DSN1: variants seen among roughly 807,000 people sequenced by gnomAD.
DSN1 encodes kinetochore-associated protein DSN1 homolog.
Under a neutral mutation model 45.7 loss-of-function variants are expected in DSN1, and 31 were observed. That is an observed-to-expected ratio of 0.68 (90% CI 0.51 to 0.92). The LOEUF (loss-of-function observed/expected upper bound fraction) is 0.92. Ranked by LOEUF, DSN1 falls within the 40% of genes least tolerant of loss-of-function variation. DSN1 has a pLI of 0.00. For synonymous variants in DSN1, 134 were observed against 142.3 expected (o/e 0.94, Z 0.41); for missense variants, 394 against 414.2 (o/e 0.95, Z 0.42).
At chr20:36,771,741 T>C (rs1987663142) in intron 1 of DSN1, among the ~76,000 whole-genome samples, 2 of 152,254 alleles carry the variant, frequency 1.3e-5, no homozygotes, top group Admixed American at 6.5e-5. Context: ...CCTAATTCCA[T>C]TGATGACATT....
chr20:36,752,714 G>A lies in DSN1; in HGVS notation c.*74C>T, dbSNP rs1485680960. 10 of 1,202,706 alleles carry A rather than the reference G, an allele frequency of 8.3e-6. No individual in the cohort carries two copies. The highest frequency in any genetic ancestry group is 7.0e-5 in the East Asian group (3 of 42,598). 74.5% of individuals were successfully genotyped at this position (1,202,706 alleles called of 1,614,324 possible). Reference sequence around the variant, plus strand: ...TTCAAAGGCAACGAGCAGAAATCACGCAGTCACCACGTGCTGGGGCACTCT... The same window carrying A: ...TTCAAAGGCAACGAGCAGAAATCACACAGTCACCACGTGCTGGGGCACTCT... On this transcript the variant is annotated 3_prime_UTR_variant, in exon 11 of 11. Transcript: ENST00000373750.
intron 7 of DSN1, 110 bp from the exon 8 acceptor site, chr20:36,758,271 G>A: frequency 9.3e-7 from 1 of 1,073,666 alleles, no homozygotes; most frequent in Non-Finnish European, 1.4e-6. Flanking sequence ...AATGTGAGTT[G>A]ACAGGTCATT....
chr20:36,760,336 G>A (rs1290038968), intron 6 of DSN1, among the ~76,000 whole-genome samples: 1 of 152,148 alleles, frequency 6.6e-6, no homozygotes, highest in Non-Finnish European at 1.5e-5. Context: ...GGCACTTAAG[G>A]CTCTCTGTGT....
chr20:36,760,247 A>C (rs569917321), intron 6 of DSN1, among the ~76,000 whole-genome samples: 40 of 152,130 alleles, frequency 2.6e-4, no homozygotes, highest in Middle Eastern at 3.4e-3. Context: ...CTGCCTCAAA[A>C]AAAAACAAAA....
chr20:36,755,822 T>C lies in DSN1; in HGVS notation c.733A>G (p.Thr245Ala), dbSNP rs141615184. The C allele has an allele frequency of 6.2e-7, 1 of 1,609,070 alleles. No individual in the cohort carries two copies. The highest frequency in any genetic ancestry group is 1.3e-5 in the African/African-American group (1 of 74,684). ...EAKEILSRGS[T>A]EAKITEVKVE... The stretch of plus-strand genomic sequence containing the variant: ...TTGACCTCAGTAATTTTGGCCTCAG[T>C]TGATCCTCTAAAAACAAAACACAAG... The change falls in exon 9 of 11, where the codon ACT (threonine) becomes GCT (alanine). Residue 245 changes from threonine to alanine, a missense_variant. By Grantham distance (58) the Thr-to-Ala change is moderately conservative. Coordinates refer to ENST00000373750, the MANE Select transcript of DSN1 (RefSeq NM_001145315.2).
intron 5 of DSN1, 116 bp from the exon 6 acceptor site, chr20:36,762,664 C>T (rs1272330257): frequency 5.2e-6 from 4 of 770,918 alleles, no homozygotes; most frequent in Non-Finnish European, 7.8e-6. Flanking sequence ...CATGTTGGTC[C>T]TCAAGCCCAC....
Position 36,766,798 on chromosome 20 carries a change from C to A in DSN1, c.473G>T (p.Gly158Val). ...GGCTCTAAAACTTTCAAGACTGAAG[C>A]CCTTAGTGTCCCTTAGGAAAGGTTC... is the stretch of plus-strand genomic sequence containing the variant. ...KLEPFLRDTK[G>V]FSLESFRAKA... Residue 158 changes from glycine to valine, a missense_variant, in exon 5 of 11, where the codon GGC becomes GTC. Gly to Val is a moderately radical substitution (Grantham distance 109, BLOSUM62 -3). Coordinates refer to ENST00000373750, the MANE Select transcript of DSN1 (RefSeq NM_001145315.2). 10 of 1,609,564 alleles carry A rather than the reference C, an allele frequency of 6.2e-6. No individual in the cohort carries two copies. Among genetic ancestry groups the A allele is most frequent in the East Asian group, 2.2e-5 (1 of 44,694 alleles).
chr20:36,768,406 G>C (rs1987466433), intron 3 of DSN1, among the ~76,000 whole-genome samples: 1 of 152,152 alleles, frequency 6.6e-6, no homozygotes, highest in Non-Finnish European at 1.5e-5. Flanking sequence ...AGCCAGGAGT[G>C]GTGGCATGCG....
intron 4 of DSN1, among the ~76,000 whole-genome samples, chr20:36,767,660 T>G (rs973908715): frequency 6.6e-6 from 1 of 152,064 alleles, no homozygotes; most frequent in African/African-American, 2.4e-5. Context: ...TCCCAGCACT[T>G]TGGGAGGCCG....
chr20:36,757,304 C>T (rs548338171), intron 8 of DSN1, among the ~76,000 whole-genome samples: 4 of 151,498 alleles, frequency 2.6e-5, no homozygotes, highest in East Asian at 1.9e-4. Flanking sequence ...TGCAGTGAGC[C>T]GAGATCGTGC....
chr20:36,754,906 T>C, intron 9 of DSN1, 56 bp from the exon 10 acceptor site: 3 of 1,489,378 alleles, frequency 2.0e-6, no homozygotes, highest in Non-Finnish European at 2.8e-6. Flanking sequence ...TGGATGTTCC[T>C]CAAACCTGAC....
rs545363581 is a variant in DSN1, at chr20:36,770,443, A to G, written c.355+430T>C. On this transcript the variant is annotated intron_variant, in intron 3 of 10. Transcript: ENST00000373750. Reference sequence around the variant, plus strand: ...GCTAAAATCAGGTATCAACCCAACTATCTTCTGCTCCACTTTAGGGTATGA... The same window carrying G: ...GCTAAAATCAGGTATCAACCCAACTGTCTTCTGCTCCACTTTAGGGTATGA... Among the ~76,000 whole-genome samples, 9 of 152,324 alleles carry G rather than the reference A, an allele frequency of 5.9e-5. No individual in the cohort carries two copies. The South Asian group carries it at 1.9e-3, about 32-fold the overall frequency.
chr20:36,755,766 A>G lies in DSN1; in HGVS notation c.789T>C (p.Ser263=), dbSNP rs1267507339. Residue 263 remains serine (S), a synonymous_variant, in exon 9 of 11, where the codon TCT becomes TCC. Coordinates refer to ENST00000373750, the MANE Select transcript of DSN1 (RefSeq NM_001145315.2). ...GTTTTGTATTAAGAACTTCATTCTG[A>G]GAAGACCCAAGATATGTCATAGGTT... The part of the protein sequence containing the change: ...KVEPMTYLGS[S]QNEVLNTKPD... 6.2e-7 allele frequency: 1 copy of G among 1,614,006 alleles called. No individual in the cohort carries two copies. The highest frequency in any genetic ancestry group is 8.5e-7 in the Non-Finnish European group (1 of 1,180,024).
chr20:36,758,276 G>A, intron 7 of DSN1, 115 bp from the exon 8 acceptor site: 1 of 1,016,646 alleles, frequency 9.8e-7, no homozygotes, highest in Non-Finnish European at 1.5e-6. Flanking sequence ...GAGTTGACAG[G>A]TCATTACAGG....
At chr20:36,763,659 C>T (rs1159664488) in intron 5 of DSN1, among the ~76,000 whole-genome samples, 3 of 150,398 alleles carry the variant, frequency 2.0e-5, no homozygotes, top group Non-Finnish European at 4.4e-5. Flanking sequence ...GAGGCCAAGG[C>T]GGGCAGATCA....
At chr20:36,766,194 CAAAAAA>C (rs368772931) in intron 5 of DSN1, among the ~76,000 whole-genome samples, 1 of 48,032 alleles carries the variant, frequency 2.1e-5, no homozygotes, top group Admixed American at 2.4e-4. Context: ...GACTCCATCT[CAAAAAA>C]AAAAAAAAAA....
At chr20:36,756,279 C>G (rs6029277) in intron 8 of DSN1, among the ~76,000 whole-genome samples, 2 of 152,160 alleles carry the variant, frequency 1.3e-5, no homozygotes, top group Non-Finnish European at 1.5e-5. Flanking sequence ...CGCGCCTGGC[C>G]TTAACAAGAA....
intron 3 of DSN1, among the ~76,000 whole-genome samples, chr20:36,769,280 G>A (rs1015724143): frequency 6.6e-6 from 1 of 152,224 alleles, no homozygotes; most frequent in Non-Finnish European, 1.5e-5. Flanking sequence ...TCAGCTGGTT[G>A]TGTTTTTAAA....
rs2148251811 is a variant in DSN1, at chr20:36,752,269, G to C, written c.*519C>G. ...GGGTTTCACCTTATTTCTCAGGCTG[G>C]TCTTCAACTTCTGGGCTCAAGCAAT... On this transcript the variant is annotated 3_prime_UTR_variant, in exon 11 of 11. Coordinates refer to ENST00000373750, the MANE Select transcript of DSN1 (RefSeq NM_001145315.2). 6.6e-6 allele frequency: 1 copy of C among 152,392 alleles called. No homozygotes were observed. The highest frequency in any genetic ancestry group is 2.4e-5 in the African/African-American group (1 of 41,522). The allele number at this position is 152,392 out of a possible 1,614,324, so 9.4% of individuals were successfully genotyped here.
Sources: gnomAD v4.1 joint callset for allele counts (sites outside exome capture counted in the v4.1 genomes callset) on GRCh38, gnomAD v4.1.1 for gene constraint, MANE v1.5 for transcripts, NCBI Gene and HGNC (gene_info 2026-07-23, HGNC 2026-07-21) for gene names.